CELF4: variants seen among roughly 807,000 people sequenced by gnomAD.
The protein encoded by CELF4 is CUG-BP- and ETR-3-like factor 4.
Under a neutral mutation model 59.9 loss-of-function variants are expected in CELF4, and 18 were observed. That is an observed-to-expected ratio of 0.30 (90% CI 0.21 to 0.45). CELF4 has a LOEUF of 0.45. Ranked by LOEUF, CELF4 falls within the 20% of genes least tolerant of loss-of-function variation. The pLI is 1.00. For synonymous variants in CELF4, 261 were observed against 267.1 expected (o/e 0.98, Z 0.22); for missense variants, 456 against 689.0 (o/e 0.66, Z 3.79).
chr18:37,518,951 G>T, intron 1 of CELF4, among the ~76,000 whole-genome samples: 1 of 152,212 alleles, frequency 6.6e-6, no homozygotes, highest in Non-Finnish European at 1.5e-5. Context: ...GGTACAGGGG[G>T]TTGTCCAAGC....
chr18:37,523,260 GT>G (rs1466599231), intron 1 of CELF4, among the ~76,000 whole-genome samples: 1 of 152,226 alleles, frequency 6.6e-6, no homozygotes, highest in African/African-American at 2.4e-5. Flanking sequence ...TTCTTGCAAA[GT>G]GACAGTTGAC....
chr18:37,478,706 G>A (rs1046182637), intron 2 of CELF4, among the ~76,000 whole-genome samples: 31 of 152,216 alleles, frequency 2.0e-4, no homozygotes, highest in African/African-American at 2.2e-4. Context: ...AAGGGATAAC[G>A]TGGAAGAGCA....
chr18:37,294,995 G>C (rs770730398), intron 3 of CELF4, among the ~76,000 whole-genome samples: 1 of 152,156 alleles, frequency 6.6e-6, no homozygotes, highest in African/African-American at 2.4e-5. Flanking sequence ...GATGGGTCTC[G>C]GGCAGGAAGA....
chr18:37,505,137 G>C (rs1362439146), intron 1 of CELF4, among the ~76,000 whole-genome samples: 1 of 151,872 alleles, frequency 6.6e-6, no homozygotes, highest in Non-Finnish European at 1.5e-5. Context: ...CAGGGGCAGG[G>C]GGCAACTGTC....
At chr18:37,491,203 AG>A (rs5824067) in intron 1 of CELF4, among the ~76,000 whole-genome samples, 24,853 of 90,950 alleles carry the variant, frequency 0.27, 4,484 homozygotes, top group Non-Finnish European at 0.4. Context: ...CTCACCTGAG[AG>A]GGACGCCGTG....
At position 37,326,526 on chromosome 18, in the gene CELF4, T is replaced by G. The variant is rs2097318463; in HGVS notation, c.370-4645A>C. On this transcript the variant is annotated intron_variant, in intron 2 of 12. Transcript: ENST00000420428. ...TTCAGAGATGTCCTCAGTGTCCCCA[T>G]GGAGGCCCTGTGGCCTTCAGTTGGT... Among the ~76,000 whole-genome samples, 4 of 152,290 alleles carry G rather than the reference T, an allele frequency of 2.6e-5. No individual in the cohort carries two copies. In the South Asian group the frequency reaches 8.3e-4, roughly 32 times the overall value.
chr18:37,303,369 A>G (rs1373453779), intron 3 of CELF4, among the ~76,000 whole-genome samples: 4 of 152,140 alleles, frequency 2.6e-5, no homozygotes, highest in Non-Finnish European at 5.9e-5. Flanking sequence ...CTTCCCCACA[A>G]AAAGGAAAAC....
At chr18:37,297,660 G>A (rs894168830) in intron 3 of CELF4, among the ~76,000 whole-genome samples, 18 of 152,220 alleles carry the variant, frequency 1.2e-4, no homozygotes, top group African/African-American at 3.9e-4. Context: ...GAGCATTTCC[G>A]TTTCCCCAGA....
At chr18:37,460,072 C>T (rs989095187) in intron 2 of CELF4, among the ~76,000 whole-genome samples, 1 of 152,106 alleles carries the variant, frequency 6.6e-6, no homozygotes, top group Non-Finnish European at 1.5e-5. Flanking sequence ...GGGAGGAAGT[C>T]GAAGGAATAG....
At chr18:37,386,136 T>C (rs1218331498) in intron 2 of CELF4, among the ~76,000 whole-genome samples, 3 of 152,224 alleles carry the variant, frequency 2.0e-5, no homozygotes, top group Non-Finnish European at 4.4e-5. Flanking sequence ...CACCTTAATT[T>C]GCCTACTCTT....
At chr18:37,541,216 C>T (rs2099977542) in intron 1 of CELF4, among the ~76,000 whole-genome samples, 2 of 152,132 alleles carry the variant, frequency 1.3e-5, no homozygotes, top group Admixed American at 6.5e-5. Context: ...TAATGCCTCT[C>T]CTTGGACATC....
chr18:37,431,382 T>TC (rs1311278777), intron 2 of CELF4, among the ~76,000 whole-genome samples: 2 of 145,800 alleles, frequency 1.4e-5, no homozygotes, highest in Non-Finnish European at 3.0e-5. Flanking sequence ...TTTTTTTTTT[T>TC]TTTGAGATGG....
In CELF4 at chr18:37,426,738, T is replaced by A. The variant is rs146719654; in HGVS notation, c.369+58787A>T. Among the ~76,000 whole-genome samples, 9 of 152,230 alleles carry A rather than the reference T, an allele frequency of 5.9e-5. No individual in the cohort carries two copies. In the East Asian group the frequency reaches 1.7e-3, roughly 30 times the overall value. ...CCCTTAAAAGTCTCATTAGAACACGTGGAAAACAATTTGCCAGGCCATGTT... is the reference window on the plus strand; with the variant it reads ...CCCTTAAAAGTCTCATTAGAACACGAGGAAAACAATTTGCCAGGCCATGTT... On this transcript the variant is annotated intron_variant, in intron 2 of 12. Transcript: ENST00000420428.
intron 3 of CELF4, among the ~76,000 whole-genome samples, chr18:37,294,388 T>G (rs188408230): frequency 1.3e-5 from 2 of 152,278 alleles, no homozygotes; most frequent in East Asian, 3.9e-4. Flanking sequence ...TCCAGCCAGC[T>G]CTGAGTTACT....
At chr18:37,475,044 G>A (rs2078476717) in intron 2 of CELF4, among the ~76,000 whole-genome samples, 3 of 152,214 alleles carry the variant, frequency 2.0e-5, no homozygotes, top group Non-Finnish European at 2.9e-5. Context: ...TGACTCCAAG[G>A]AGTATGATTG....
chr18:37,336,400 T>C (rs973944523), intron 2 of CELF4, among the ~76,000 whole-genome samples: 2 of 152,128 alleles, frequency 1.3e-5, no homozygotes, highest in Non-Finnish European at 2.9e-5. Context: ...CCCAGGCTGG[T>C]CTTGAACTCC....
intron 2 of CELF4, among the ~76,000 whole-genome samples, chr18:37,349,414 T>C (rs1343805421): frequency 6.6e-6 from 1 of 152,224 alleles, no homozygotes; most frequent in South Asian, 2.1e-4. Context: ...CGTGGCTGGA[T>C]TCTTTCTGTA....
intron 2 of CELF4, among the ~76,000 whole-genome samples, chr18:37,457,781 G>A (rs1383723532): frequency 6.6e-6 from 1 of 152,118 alleles, no homozygotes; most frequent in Admixed American, 6.5e-5. Flanking sequence ...ACTGTGAAAT[G>A]TGACCCTTCC....
At chr18:37,476,341 CTG>C (rs2154602789) in intron 2 of CELF4, among the ~76,000 whole-genome samples, 1 of 152,336 alleles carries the variant, frequency 6.6e-6, no homozygotes, top group South Asian at 2.1e-4. Flanking sequence ...ATTAAACACA[CTG>C]TGCTCCTTCA....
Sources: gnomAD v4.1 joint callset for allele counts (sites outside exome capture counted in the v4.1 genomes callset) on GRCh38, gnomAD v4.1.1 for gene constraint, MANE v1.5 for transcripts, NCBI Gene and HGNC (gene_info 2026-07-23, HGNC 2026-07-21) for gene names.